USP50: variants seen among roughly 807,000 people sequenced by gnomAD.
USP50 encodes the protein ubiquitin carboxyl-terminal hydrolase 50.
A neutral mutation model predicts 39.2 loss-of-function variants in USP50; 37 were observed. The observed-to-expected ratio is 0.94, with a 90% CI of 0.73 to 1.24. USP50 has a LOEUF of 1.24. Ranked by LOEUF, USP50 falls within the 50% of genes most tolerant of loss-of-function variation. The pLI, the probability that USP50 is intolerant of heterozygous loss-of-function variation, is 0.00. For missense variants in USP50, 374 were observed against 398.2 expected (o/e 0.94, Z 0.52); for synonymous variants, 139 against 144.5 (o/e 0.96, Z 0.27).
intron 3 of USP50, among the ~76,000 whole-genome samples, chr15:50,543,081 G>A (rs1596021822): frequency 1.3e-5 from 2 of 152,148 alleles, no homozygotes; most frequent in Non-Finnish European, 2.9e-5. Flanking sequence ...ATGAACTCAG[G>A]TTAGGTATGT....
chr15:50,532,518 C>G (rs532006714), intron 5 of USP50, among the ~76,000 whole-genome samples: 297 of 152,270 alleles, frequency 2.0e-3, no homozygotes, highest in Middle Eastern at 0.01. Context: ...TTCCCCTCCC[C>G]CTCCGCCTTA....
downstream of USP50, chr15:50,500,431 C>T (rs1415386001): frequency 1.5e-5 from 3 of 199,494 alleles, no homozygotes; most frequent in African/African-American, 6.8e-5. Context: ...AGGCCTGCAT[C>T]CATTAGCATT....
At chr15:50,528,565 C>A (rs187709870) in intron 6 of USP50, among the ~76,000 whole-genome samples, 2 of 152,070 alleles carry the variant, frequency 1.3e-5, no homozygotes, top group Non-Finnish European at 2.9e-5. Flanking sequence ...CTGCACTGTT[C>A]GGGAATCTAC....
At chr15:50,509,020 G>A (rs1347337090) in intron 6 of USP50, 2 of 141,158 alleles carry the variant, frequency 1.4e-5, no homozygotes, top group Non-Finnish European at 3.0e-5. Flanking sequence ...TGTAGTCCCA[G>A]CTACTTGGGA....
At chr15:50,537,530 A>AG (rs2052989106) in intron 5 of USP50, among the ~76,000 whole-genome samples, 1 of 151,846 alleles carries the variant, frequency 6.6e-6, no homozygotes, top group African/African-American at 2.4e-5. Flanking sequence ...AAAAAAAAAA[A>AG]AGACACATCT....
At chr15:50,533,582 G>A (rs1347475804) in intron 5 of USP50, among the ~76,000 whole-genome samples, 1 of 151,996 alleles carries the variant, frequency 6.6e-6, no homozygotes, top group Non-Finnish European at 1.5e-5. Flanking sequence ...GTGTTAAAAG[G>A]AAAAAAACCC....
chr15:50,509,092 C>G (rs1008647586), intron 6 of USP50: 1 of 130,882 alleles, frequency 7.6e-6, no homozygotes, highest in Non-Finnish European at 1.5e-5. Flanking sequence ...AAGATCGCGC[C>G]ACTGTGCTCC....
chr15:50,498,705 A>C, downstream of USP50: 1 of 1,609,308 alleles, frequency 6.2e-7, no homozygotes, highest in South Asian at 1.1e-5. Flanking sequence ...CAATTTGAAG[A>C]AATATAATTT....
intron 6 of USP50, chr15:50,502,549 T>C (rs2141339927): frequency 6.6e-6 from 1 of 152,432 alleles, no homozygotes; most frequent in South Asian, 2.1e-4. Flanking sequence ...TTTGTATTTT[T>C]AGTAGAGATG....
chr15:50,520,869 G>A (rs938436990), intron 6 of USP50, among the ~76,000 whole-genome samples: 14 of 152,124 alleles, frequency 9.2e-5, no homozygotes, highest in Admixed American at 2.0e-4. Context: ...AGATACAAAC[G>A]TGGATAGAAG....
Position 50,540,867 on chromosome 15 carries a change from G to A in USP50, c.660+182C>T, listed in dbSNP as rs2003360. ...TTGAGCTCCTGACCTCAGGTGATCC[G>A]CCTGCCTTGGCTTTCAAAAGTGCTC... On this transcript the variant is annotated intron_variant, in intron 4 of 6. Transcript: ENST00000532404. 0.18 allele frequency among the ~76,000 whole-genome samples: 27,615 copies of A among 152,010 alleles called. 3,231 individuals carry two copies. Among genetic ancestry groups the A allele is most frequent in the East Asian group, 0.46 (2,395 of 5,168 alleles).
At chr15:50,535,885 A>G (rs2052976154) in intron 5 of USP50, among the ~76,000 whole-genome samples, 1 of 152,200 alleles carries the variant, frequency 6.6e-6, no homozygotes, top group Admixed American at 6.5e-5. Context: ...AATCACACAC[A>G]CAATCAAATC....
intron 3 of USP50, among the ~76,000 whole-genome samples, chr15:50,541,745 C>T (rs1212317081): frequency 2.6e-5 from 4 of 152,054 alleles, no homozygotes; most frequent in Non-Finnish European, 5.9e-5. Context: ...CCATAAGCTA[C>T]CAGCCTTGGG....
Position 50,529,820 on chromosome 15 carries a change from T to C in USP50, c.913A>G (p.Lys305Glu), listed in dbSNP as rs764947991. The change falls in exon 6 of 7, where the codon AAA becomes GAA. Residue 305 changes from lysine to glutamate, a missense_variant. Lys to Glu is a moderately conservative substitution (Grantham distance 56). Transcript: ENST00000532404. Reference sequence around the variant, plus strand: ...ACCACCACTGCACAGAGGTTGTATTTAGGATATTTCCGGAAAATTGAGCAA... The same window carrying C: ...ACCACCACTGCACAGAGGTTGTATTCAGGATATTTCCGGAAAATTGAGCAA... ...YICSIFRKYP[K>E]YNLCAVVNHF... is the part of the protein sequence containing the mutation. 12 of 1,613,882 alleles carry C rather than the reference T, an allele frequency of 7.4e-6. No individual in the cohort carries two copies. In the South Asian group the frequency reaches 1.2e-4, roughly 16 times the overall value.
chr15:50,528,806 T>C (rs2052918196), intron 6 of USP50, among the ~76,000 whole-genome samples: 1 of 152,202 alleles, frequency 6.6e-6, no homozygotes, highest in South Asian at 2.1e-4. Context: ...TTAGAATACA[T>C]TAATTCAACA....
intron 1 of USP50, among the ~76,000 whole-genome samples, chr15:50,495,493 G>GGGT (rs1555392715): frequency 1.5e-5 from 2 of 130,950 alleles, no homozygotes; most frequent in African/African-American, 6.5e-5. Flanking sequence ...TGGAGGGGGG[G>GGGT]GTCTCACTAT....
chr15:50,493,389 T>G (rs2052253226), downstream of USP50: 1 of 519,210 alleles, frequency 1.9e-6, no homozygotes, highest in Non-Finnish European at 3.8e-6. Flanking sequence ...ATTTTACCTT[T>G]CAAACCATAG....
downstream of USP50, chr15:50,497,309 G>A: frequency 2.0e-6 from 3 of 1,500,832 alleles, no homozygotes; most frequent in South Asian, 4.1e-5. Context: ...TATACTTGTT[G>A]TACTGCCTGC....
At chr15:50,499,282 C>G (rs2141333363), downstream of USP50, 7 of 425,300 alleles carry the variant, frequency 1.6e-5, no homozygotes, top group East Asian at 2.6e-4. Flanking sequence ...GTAATCATCA[C>G]TTACAGGTAC....
Sources: allele counts gnomAD v4.1 joint callset (sites outside exome capture counted in the v4.1 genomes callset), GRCh38; gene constraint gnomAD v4.1.1; transcripts MANE v1.5; gene names NCBI Gene and HGNC (gene_info 2026-07-23, HGNC 2026-07-21).